GSDMC: variants seen among roughly 807,000 people sequenced by gnomAD.
GSDMC encodes the protein gasdermin-C.
A neutral mutation model predicts 58.0 loss-of-function variants in GSDMC; 59 were observed. The ratio of observed to expected loss-of-function variants is 1.02; its 90% CI spans 0.82 to 1.26. GSDMC has a LOEUF of 1.26. Among genes scored for constraint, GSDMC ranks in the 50% most tolerant of loss-of-function variants. The probability of loss-of-function intolerance (pLI) is 0.00; values close to 1 mark genes in which losing one functional copy is unlikely to be tolerated. For missense variants in GSDMC, 659 were observed against 598.5 expected, an observed-to-expected ratio of 1.10 and a Z score of -1.06; for synonymous variants, 241 against 220.2, an observed-to-expected ratio of 1.09 and a Z score of -0.83.
At chr8:129,752,183 A>G (rs2033233744) in intron 7 of GSDMC, 36 bp from the exon 8 acceptor site, 1 of 1,549,746 alleles carries the variant, frequency 6.5e-7, no homozygotes, top group South Asian at 1.1e-5. Context: ...CTCACCAAAC[A>G]TTAGTCTACC....
intron 3 of GSDMC, 141 bp from the exon 4 acceptor site, chr8:129,765,934 G>C (rs2033843130): frequency 1.6e-6 from 1 of 623,988 alleles, no homozygotes; most frequent in African/African-American, 1.8e-5. Context: ...ATGGGTGGTA[G>C]GGCAGCAGAA....
At chr8:129,777,950 C>T (rs771245621) in intron 1 of GSDMC, among the ~76,000 whole-genome samples, 119 of 152,192 alleles carry the variant, frequency 7.8e-4, no homozygotes, top group Non-Finnish European at 9.1e-4. Flanking sequence ...TTCATTGCCC[C>T]TTATTGTTGG....
intron 3 of GSDMC, among the ~76,000 whole-genome samples, chr8:129,770,382 T>C (rs1475929418): frequency 6.6e-6 from 1 of 151,992 alleles, no homozygotes; most frequent in Non-Finnish European, 1.5e-5. Context: ...TATAGTCCCA[T>C]GTACTTGGGA....
intron 3 of GSDMC, among the ~76,000 whole-genome samples, chr8:129,771,507 A>G (rs2034048340): frequency 6.6e-6 from 1 of 152,262 alleles, no homozygotes; most frequent in Non-Finnish European, 1.5e-5. Flanking sequence ...TAGAAACAAT[A>G]ACAAGGAATT....
rs959369231 is a variant in GSDMC at position 129,750,564 on chromosome 8, T to C, written c.950A>G (p.Lys317Arg). ...CTGGAAAACCTCCTCTTGTAGATGC[T>C]TGAAATCTGCTCTCAGGCATCAACG... ...RIEEPFWQNF[K>R]HLQEEVFQKI... Residue 317 changes from lysine to arginine, a missense_variant, in exon 11 of 14, where the codon AAG becomes AGG. Physicochemically the swap from Lys to Arg is conservative, Grantham distance 26 (BLOSUM62 2). Transcript: ENST00000276708. 1.2e-6 allele frequency: 2 copies of C among 1,613,788 alleles called. No individual in the cohort carries two copies. The highest frequency in any genetic ancestry group is 4.5e-5 in the East Asian group (2 of 44,880).
At chr8:129,762,768 A>T in intron 4 of GSDMC, 37 bp from the exon 5 acceptor site, 1 of 1,407,444 alleles carries the variant, frequency 7.1e-7, no homozygotes. Flanking sequence ...TATTAAATGT[A>T]TGTAATTTTA....
In GSDMC at chr8:129,750,142, TTAATAA is replaced by T. The variant is rs374300600; in HGVS notation, c.1084-29_1084-24del. ...CAGCTATAGAAGACAGGTATTATTGTTAATAATAATACTAATAACAGTAATGTTATA... is the reference window on the plus strand; with the variant it reads ...CAGCTATAGAAGACAGGTATTATTGTTAATACTAATAACAGTAATGTTATA... On this transcript the variant is annotated intron_variant, in intron 11 of 13. Coordinates refer to ENST00000276708, the MANE Select transcript of GSDMC (RefSeq NM_031415.3). 63 of 1,497,838 alleles carry T rather than the reference TTAATAA, an allele frequency of 4.2e-5. No individual in the cohort carries two copies. The African/African-American group carries it at 8.9e-4, about 21-fold the overall frequency. 92.8% of individuals were successfully genotyped at this position (1,497,838 alleles called of 1,614,324 possible).
intron 1 of GSDMC, among the ~76,000 whole-genome samples, chr8:129,783,082 T>G (rs1007544330): frequency 6.6e-6 from 1 of 152,120 alleles, no homozygotes; most frequent in Non-Finnish European, 1.5e-5. Flanking sequence ...TGATACATTA[T>G]AGCAAGAAAA....
chr8:129,765,090 C>T (rs1252111778), intron 4 of GSDMC, among the ~76,000 whole-genome samples: 2 of 152,146 alleles, frequency 1.3e-5, no homozygotes, highest in African/African-American at 4.8e-5. Flanking sequence ...TTGACCCATA[C>T]TTAATCTGAA....
At chr8:129,743,115 A>T in the GSDMC span, among the ~76,000 whole-genome samples, 11 of 152,104 alleles carry the variant, frequency 7.2e-5, no homozygotes, top group Non-Finnish European at 2.9e-5. Flanking sequence ...TCCTGTTCAG[A>T]GTTCACCAAG....
At chr8:129,769,907 G>A (rs184216278) in intron 3 of GSDMC, among the ~76,000 whole-genome samples, 36 of 152,090 alleles carry the variant, frequency 2.4e-4, no homozygotes, top group Non-Finnish European at 4.3e-4. Flanking sequence ...AGTTCTTCAA[G>A]TTGAAATGAA....
chr8:129,757,206 T>C (rs1420601488), intron 6 of GSDMC, among the ~76,000 whole-genome samples: 6 of 149,234 alleles, frequency 4.0e-5, no homozygotes, highest in Non-Finnish European at 8.9e-5. Context: ...AAATCAGAGA[T>C]GAAAAAGGAG....
At chr8:129,753,915 G>C (rs1052295683) in intron 6 of GSDMC, among the ~76,000 whole-genome samples, 1 of 152,204 alleles carries the variant, frequency 6.6e-6, no homozygotes, top group Admixed American at 6.5e-5. Context: ...TCCTCTACCT[G>C]TGAAAAGGGG....
intron 12 of GSDMC, 84 bp downstream of exon 12, chr8:129,749,906 G>T: frequency 8.9e-7 from 1 of 1,126,846 alleles, no homozygotes; most frequent in East Asian, 2.4e-5. Flanking sequence ...AAGGGCTTTG[G>T]AGACACAGCA....
chr8:129,706,410 C>A, the GSDMC span: 3 of 152,180 alleles, frequency 2.0e-5, no homozygotes, highest in African/African-American at 2.4e-5. Context: ...AAAGTCATAA[C>A]CTTGGCTTTC....
In GSDMC at chr8:129,751,578, G is replaced by T. The variant is rs770261241; in HGVS notation, c.917-10C>A. On this transcript the variant is annotated splice_polypyrimidine_tract_variant and intron_variant, in intron 9 of 13. Transcript: ENST00000276708. ...GGTTCCTCTATTCTTCCTAGAAGGA[G>T]AATCAAGTCATCATCTCACTTCCTC... is the stretch of plus-strand genomic sequence containing the variant. 2 of 1,611,708 alleles carry T rather than the reference G, an allele frequency of 1.2e-6. No homozygotes were observed. The highest frequency in any genetic ancestry group is 2.2e-5 in the South Asian group (2 of 90,954).
At chr8:129,713,066 CAG>C in the GSDMC span, among the ~76,000 whole-genome samples, 1 of 152,250 alleles carries the variant, frequency 6.6e-6, no homozygotes, top group Non-Finnish European at 1.5e-5. Flanking sequence ...TCGAATGCAA[CAG>C]ACTCACGCAC....
the GSDMC span, among the ~76,000 whole-genome samples, chr8:129,713,416 G>T: frequency 6.6e-6 from 1 of 152,266 alleles, no homozygotes; most frequent in Admixed American, 6.5e-5. Context: ...TGAAAGGGAG[G>T]AACGCCCTGT....
chr8:129,785,979 C>T (rs557168604), intron 1 of GSDMC, 32 bp downstream of exon 1: 2 of 152,334 alleles, frequency 1.3e-5, no homozygotes, highest in African/African-American at 2.4e-5. Context: ...GTAATCTTTT[C>T]TTTTTCATCC....
Sources: gnomAD v4.1 joint callset for allele counts (sites outside exome capture counted in the v4.1 genomes callset) on GRCh38, gnomAD v4.1.1 for gene constraint, MANE v1.5 for transcripts, NCBI Gene and HGNC (gene_info 2026-07-23, HGNC 2026-07-21) for gene names.